Variants in GALNTL6 observed in about 807,000 individuals in gnomAD.
GALNTL6 encodes the protein polypeptide N-acetylgalactosaminyltransferase like 6, also known as polypeptide N-acetylgalactosaminyltransferase-like 6.
In GALNTL6, 46 loss-of-function variants were observed where a neutral mutation model predicts 73.7. That is an observed-to-expected ratio of 0.62 (90% CI 0.49 to 0.80). GALNTL6 has a LOEUF of 0.80. Among genes scored for constraint, GALNTL6 ranks in the 30% least tolerant of loss-of-function variants. GALNTL6 has a pLI of 0.00. For synonymous variants in GALNTL6, 259 were observed against 263.7 expected (o/e 0.98, Z 0.17); for missense variants, 604 against 755.0 (o/e 0.80, Z 2.34).
intron 5 of GALNTL6, among the ~76,000 whole-genome samples, chr4:172,787,383 A>C (rs1739721192): frequency 6.6e-6 from 1 of 152,162 alleles, no homozygotes; most frequent in Non-Finnish European, 1.5e-5. Context: ...ATCATTAGGC[A>C]ATGTCTGGAG....
At chr4:172,779,389 C>G (rs1739255672) in intron 5 of GALNTL6, among the ~76,000 whole-genome samples, 1 of 152,068 alleles carries the variant, frequency 6.6e-6, no homozygotes, top group Admixed American at 6.5e-5. Context: ...ACAGCACTGC[C>G]CAGCCCAGTC....
At chr4:171,879,944 A>G (rs779765485) in intron 2 of GALNTL6, among the ~76,000 whole-genome samples, 3 of 152,168 alleles carry the variant, frequency 2.0e-5, no homozygotes, top group Admixed American at 2.0e-4. Flanking sequence ...AGAAATATTA[A>G]TATATTCTTT....
chr4:173,021,400 C>T (rs552412625), intron 11 of GALNTL6, 76 bp from the exon 12 acceptor site: 158 of 1,449,296 alleles, frequency 1.1e-4, no homozygotes, highest in South Asian at 2.5e-5. Flanking sequence ...TGCTAAAAGA[C>T]ATACCTTCCC....
intron 5 of GALNTL6, among the ~76,000 whole-genome samples, chr4:172,618,345 A>C (rs960258334): frequency 1.2e-4 from 19 of 152,144 alleles, no homozygotes; most frequent in Non-Finnish European, 1.5e-4. Context: ...TGTTGGTAAA[A>C]GGCAATTCCA....
intron 5 of GALNTL6, among the ~76,000 whole-genome samples, chr4:172,651,271 T>G (rs1740464871): frequency 6.6e-6 from 1 of 152,204 alleles, no homozygotes; most frequent in Non-Finnish European, 1.5e-5. Context: ...TAATTATACT[T>G]GTAATGAGTT....
Position 172,226,605 on chromosome 4 carries a change from C to CTGTGTGTGTG in GALNTL6, c.139-3045_139-3036dup, listed in dbSNP as rs3083245. The stretch of plus-strand genomic sequence containing the variant: ...TCTGTGTGTCTGTGTGTGTGTGTTT[C>CTGTGTGTGTG]TGTGTGTGTGTGTGTTTTCCCACAG... On this transcript the variant is annotated intron_variant, in intron 2 of 12. Coordinates refer to ENST00000506823, the MANE Select transcript of GALNTL6 (RefSeq NM_001034845.3). 6.2e-4 allele frequency among the ~76,000 whole-genome samples: 93 copies of CTGTGTGTGTG among 150,116 alleles called. 1 individual carries two copies. Among genetic ancestry groups the CTGTGTGTGTG allele is most frequent in the African/African-American group, 2.1e-3 (85 of 40,892 alleles).
chr4:172,198,511 T>G (rs1331685613), intron 2 of GALNTL6, among the ~76,000 whole-genome samples: 3 of 151,636 alleles, frequency 2.0e-5, no homozygotes, highest in Non-Finnish European at 2.9e-5. Context: ...GAAAAAAAGC[T>G]CAAGATCCCT....
chr4:172,190,128 T>C (rs932421720), intron 2 of GALNTL6, among the ~76,000 whole-genome samples: 11 of 152,206 alleles, frequency 7.2e-5, no homozygotes, highest in South Asian at 4.1e-4. Context: ...AAGATTATGT[T>C]TGAAAACATT....
At chr4:172,480,546 G>C (rs868095438) in intron 5 of GALNTL6, among the ~76,000 whole-genome samples, 1 of 152,190 alleles carries the variant, frequency 6.6e-6, no homozygotes, top group South Asian at 2.1e-4. Context: ...GATAAAAAGG[G>C]ATGAGTGAAA....
chr4:172,287,782 C>CT (rs1462157414), intron 3 of GALNTL6, among the ~76,000 whole-genome samples: 1 of 152,106 alleles, frequency 6.6e-6, no homozygotes, highest in African/African-American at 2.4e-5. Context: ...TAAAGGATCT[C>CT]TATGTGTCTG....
At chr4:172,687,006 G>C (rs188080460) in intron 5 of GALNTL6, among the ~76,000 whole-genome samples, 197 of 152,256 alleles carry the variant, frequency 1.3e-3, no homozygotes, top group Admixed American at 0.012. Flanking sequence ...TCCAGGGAAG[G>C]GGACGAGGCT....
chr4:172,105,499 T>C (rs1732651046), intron 2 of GALNTL6, among the ~76,000 whole-genome samples: 1 of 151,812 alleles, frequency 6.6e-6, no homozygotes, highest in African/African-American at 2.4e-5. Flanking sequence ...GGAAAAACAC[T>C]CTGTCCCAAA....
chr4:171,829,480 T>C (rs1273710517), intron 2 of GALNTL6, among the ~76,000 whole-genome samples: 1 of 152,188 alleles, frequency 6.6e-6, no homozygotes, highest in African/African-American at 2.4e-5. Context: ...AATTGATCAC[T>C]ATTTCACTGC....
At chr4:172,214,715 A>C (rs367891590) in intron 2 of GALNTL6, among the ~76,000 whole-genome samples, 1 of 151,978 alleles carries the variant, frequency 6.6e-6, no homozygotes, top group Non-Finnish European at 1.5e-5. Context: ...GGGTTTCACC[A>C]TGTTGGTCAG....
chr4:172,661,508 C>A (rs1401756235), intron 5 of GALNTL6, among the ~76,000 whole-genome samples: 1 of 152,140 alleles, frequency 6.6e-6, no homozygotes, highest in East Asian at 1.9e-4. Context: ...TTCAGGAATG[C>A]AGAAGATAAG....
intron 3 of GALNTL6, among the ~76,000 whole-genome samples, chr4:172,278,367 T>C (rs1454203542): frequency 6.6e-6 from 1 of 152,202 alleles, no homozygotes; most frequent in Non-Finnish European, 1.5e-5. Context: ...TTCCAATAAC[T>C]ATAAATTGCC....
At chr4:172,639,319 A>G (rs940097167) in intron 5 of GALNTL6, among the ~76,000 whole-genome samples, 2 of 152,092 alleles carry the variant, frequency 1.3e-5, no homozygotes, top group Non-Finnish European at 2.9e-5. Context: ...CTCTATCCTC[A>G]GCATTTTCGT....
intron 7 of GALNTL6, among the ~76,000 whole-genome samples, chr4:172,871,889 T>C (rs1404950085): frequency 6.6e-6 from 1 of 152,048 alleles, no homozygotes; most frequent in Non-Finnish European, 1.5e-5. Context: ...GTTCAAGTGA[T>C]TCTCCCACCT....
chr4:172,600,581 T>C (rs1738018936), intron 5 of GALNTL6, among the ~76,000 whole-genome samples: 1 of 152,184 alleles, frequency 6.6e-6, no homozygotes, highest in African/African-American at 2.4e-5. Context: ...ACTAAGCTGA[T>C]GTGCCTGGAG....
Sources: gnomAD v4.1 joint callset for allele counts (sites outside exome capture counted in the v4.1 genomes callset) on GRCh38, gnomAD v4.1.1 for gene constraint, MANE v1.5 for transcripts, NCBI Gene and HGNC (gene_info 2026-07-23, HGNC 2026-07-21) for gene names.